The following SCFD2 variants were observed in gnomAD, a reference collection of about 807,000 sequenced individuals.
The protein encoded by SCFD2 is sec1 family domain containing 2, also known as sec1 family domain-containing protein 2.
In SCFD2, 54 loss-of-function variants were observed where a neutral mutation model predicts 58.9. The observed-to-expected ratio is 0.92, with a 90% CI of 0.74 to 1.15. The LOEUF is 1.15. Among genes scored for constraint, SCFD2 ranks in the 50% most tolerant of loss-of-function variants. The probability of loss-of-function intolerance (pLI) is 0.00; values close to 1 mark genes in which losing one functional copy is unlikely to be tolerated. For missense variants in SCFD2, 805 were observed against 836.6 expected, an observed-to-expected ratio of 0.96 and a Z score of 0.47; for synonymous variants, 321 against 335.9, an observed-to-expected ratio of 0.96 and a Z score of 0.49.
intron 4 of SCFD2, among the ~76,000 whole-genome samples, chr4:53,161,161 C>G (rs1438660311): frequency 2.0e-5 from 3 of 152,048 alleles, no homozygotes; most frequent in African/African-American, 7.2e-5. Context: ...AGGGAGTAAC[C>G]GGGAGAGAGC....
At chr4:52,938,443 T>C (rs998224015) in intron 5 of SCFD2, among the ~76,000 whole-genome samples, 1 of 152,270 alleles carries the variant, frequency 6.6e-6, no homozygotes, top group East Asian at 1.9e-4. Context: ...CACAGTAAAA[T>C]AGTCCAAATT....
chr4:52,968,984 C>T (rs184358004), intron 5 of SCFD2, among the ~76,000 whole-genome samples: 4 of 152,276 alleles, frequency 2.6e-5, no homozygotes, highest in African/African-American at 9.6e-5. Flanking sequence ...TAGCAAGAAC[C>T]GCTATCCTCA....
chr4:53,051,185 T>C (rs1723182352), intron 5 of SCFD2, among the ~76,000 whole-genome samples: 1 of 152,164 alleles, frequency 6.6e-6, no homozygotes, highest in Admixed American at 6.5e-5. Flanking sequence ...AATGAATAAA[T>C]ATAATTTACA....
intron 7 of SCFD2, 74 bp from the exon 8 acceptor site, chr4:52,885,940 A>G: frequency 6.3e-7 from 1 of 1,579,922 alleles, no homozygotes; most frequent in South Asian, 1.1e-5. Context: ...TACCATCTTC[A>G]TTGTCCCTCT....
At chr4:53,244,541 C>CT (rs1730001737) in intron 4 of SCFD2, among the ~76,000 whole-genome samples, 1 of 152,036 alleles carries the variant, frequency 6.6e-6, no homozygotes, top group Non-Finnish European at 1.5e-5. Context: ...TTCTCTGAAA[C>CT]TAATGAGAAT....
chr4:53,359,028 G>A (rs552528120), intron 1 of SCFD2, among the ~76,000 whole-genome samples: 19 of 152,030 alleles, frequency 1.2e-4, no homozygotes, highest in African/African-American at 4.6e-4. Flanking sequence ...CCACTGTTTC[G>A]CTATTACCTG....
chr4:53,120,155 TAC>T (rs1467210051), intron 5 of SCFD2, among the ~76,000 whole-genome samples: 1 of 152,174 alleles, frequency 6.6e-6, no homozygotes, highest in Non-Finnish European at 1.5e-5. Context: ...ATACCTTAAA[TAC>T]ACACAGTTTT....
chr4:53,230,669 C>G (rs1224840790), intron 4 of SCFD2, among the ~76,000 whole-genome samples: 1 of 151,670 alleles, frequency 6.6e-6, no homozygotes, highest in Admixed American at 6.6e-5. Context: ...ATACCTAATG[C>G]TAAATGACGA....
chr4:53,319,324 A>G (rs974409595), intron 2 of SCFD2, among the ~76,000 whole-genome samples: 1 of 152,144 alleles, frequency 6.6e-6, no homozygotes, highest in African/African-American at 2.4e-5. Context: ...CACAATGCTA[A>G]TTTTCCACTT....
intron 5 of SCFD2, among the ~76,000 whole-genome samples, chr4:52,938,094 G>A (rs1211976927): frequency 6.6e-6 from 1 of 152,110 alleles, no homozygotes; most frequent in Non-Finnish European, 1.5e-5. Context: ...CACTTCCTCT[G>A]CATTTCTCCA....
chr4:53,271,408 A>T (rs1378464698), intron 4 of SCFD2, among the ~76,000 whole-genome samples: 3 of 151,668 alleles, frequency 2.0e-5, no homozygotes, highest in Admixed American at 6.6e-5. Context: ...TGTGGTTTAA[A>T]GGAATGAGCT....
At chr4:53,216,920 G>A (rs905005805) in intron 4 of SCFD2, among the ~76,000 whole-genome samples, 3 of 152,148 alleles carry the variant, frequency 2.0e-5, no homozygotes, top group African/African-American at 7.2e-5. Context: ...AGTCATTCAG[G>A]AGCAGGTTAT....
At chr4:53,327,189 G>A (rs1284747266) in intron 2 of SCFD2, among the ~76,000 whole-genome samples, 7 of 152,014 alleles carry the variant, frequency 4.6e-5, no homozygotes, top group East Asian at 1.9e-4. Flanking sequence ...GTTGGTAGCC[G>A]AATACAAGGT....
At chr4:53,205,874 ATGGG>A (rs1235191079) in intron 4 of SCFD2, among the ~76,000 whole-genome samples, 2 of 151,898 alleles carry the variant, frequency 1.3e-5, no homozygotes, top group African/African-American at 4.8e-5. Context: ...AAAAAAAAAG[ATGGG>A]CAAAAAGTTA....
chr4:53,342,975 T>G (rs938149639), intron 2 of SCFD2, among the ~76,000 whole-genome samples: 3 of 152,100 alleles, frequency 2.0e-5, no homozygotes, highest in African/African-American at 7.2e-5. Flanking sequence ...AGAGGGAAAT[T>G]TATAGCACTA....
intron 4 of SCFD2, among the ~76,000 whole-genome samples, chr4:53,162,216 C>A (rs1439549115): frequency 2.6e-5 from 4 of 151,846 alleles, no homozygotes; most frequent in African/African-American, 7.3e-5. Context: ...GATCAGGCAA[C>A]ATAAATGATG....
intron 4 of SCFD2, among the ~76,000 whole-genome samples, chr4:53,247,680 A>G (rs1730142350): frequency 6.6e-6 from 1 of 150,918 alleles, no homozygotes; most frequent in African/African-American, 2.4e-5. Flanking sequence ...TAACAAGGTG[A>G]AACCCCGTCT....
intron 4 of SCFD2, among the ~76,000 whole-genome samples, chr4:53,177,954 G>A (rs1727395825): frequency 6.6e-6 from 1 of 152,224 alleles, no homozygotes; most frequent in Non-Finnish European, 1.5e-5. Flanking sequence ...AAGGCTGGGG[G>A]AGGGGCGCCC....
At chr4:53,106,190 T>G (rs1724996689) in intron 5 of SCFD2, among the ~76,000 whole-genome samples, 1 of 152,056 alleles carries the variant, frequency 6.6e-6, no homozygotes, top group Admixed American at 6.5e-5. Flanking sequence ...ACAAAAAGGA[T>G]GTCCACACAA....
Sources: allele counts gnomAD v4.1 joint callset (sites outside exome capture counted in the v4.1 genomes callset), GRCh38; gene constraint gnomAD v4.1.1; transcripts MANE v1.5; gene names NCBI Gene and HGNC (gene_info 2026-07-23, HGNC 2026-07-21).